PPM1H: variants seen among roughly 807,000 people sequenced by gnomAD.
PPM1H encodes the protein protein phosphatase, Mg2+/Mn2+ dependent 1H.
In PPM1H, 27 loss-of-function variants were observed where a neutral mutation model predicts 54.9. The observed-to-expected ratio is 0.49, with a 90% CI of 0.36 to 0.68. The LOEUF is 0.68. PPM1H is among the 30% of genes least tolerant of loss of function. The pLI, the probability that PPM1H is intolerant of heterozygous loss-of-function variation, is 0.00. For synonymous variants in PPM1H, 305 were observed against 270.8 expected (o/e 1.13, Z -1.24); for missense variants, 596 against 667.8 (o/e 0.89, Z 1.19).
At chr12:62,662,595 T>C (rs2075890958) in intron 9 of PPM1H, among the ~76,000 whole-genome samples, 1 of 152,220 alleles carries the variant, frequency 6.6e-6, no homozygotes, top group African/African-American at 2.4e-5. Flanking sequence ...ATTTTACATA[T>C]GAACAATCAG....
chr12:62,841,354 A>G (rs1386229877), intron 1 of PPM1H, among the ~76,000 whole-genome samples: 4 of 152,082 alleles, frequency 2.6e-5, no homozygotes, highest in Admixed American at 2.0e-4. Context: ...AGCTGGGGGG[A>G]AAAAAGAATA....
Position 62,934,738 on chromosome 12 carries a change from T to C in PPM1H, c.-2A>G. 3.9e-6 allele frequency: 6 copies of C among 1,543,654 alleles called. No individual in the cohort carries two copies. Among genetic ancestry groups the C allele is most frequent in the Non-Finnish European group, 5.3e-6 (6 of 1,140,414 alleles). On this transcript the variant is annotated 5_prime_UTR_variant, in exon 1 of 10. The change abolishes the stop of an existing upstream ORF in the 5' untranslated region. Transcript: ENST00000228705. This position sits in a 1 kb window ranked among gnomAD's most constrained non-coding sequence, Gnocchi z 4.2. ...GGCAGATTTCACTCGAGTGAGCATA[T>C]TACTCCGGCGCCCGGCTGCAGCGGT...
intron 1 of PPM1H, among the ~76,000 whole-genome samples, chr12:62,838,213 G>A (rs369923212): frequency 1.2e-4 from 18 of 152,094 alleles, no homozygotes; most frequent in African/African-American, 4.1e-4. Flanking sequence ...TACACTAAGT[G>A]TTCATACTGG....
chr12:62,849,054 G>T (rs924513527), intron 1 of PPM1H, among the ~76,000 whole-genome samples: 2 of 152,128 alleles, frequency 1.3e-5, no homozygotes, highest in East Asian at 3.9e-4. Flanking sequence ...GTTAGGAAAT[G>T]GTTGGGAATA....
At chr12:62,699,235 C>T (rs1023230483) in intron 6 of PPM1H, among the ~76,000 whole-genome samples, 6 of 152,094 alleles carry the variant, frequency 3.9e-5, no homozygotes, top group Admixed American at 6.6e-5. Flanking sequence ...TCACTCTTGT[C>T]GCCCAAGCTT....
At chr12:62,780,314 T>G (rs1469789164) in intron 4 of PPM1H, among the ~76,000 whole-genome samples, 1 of 152,188 alleles carries the variant, frequency 6.6e-6, no homozygotes, top group Admixed American at 6.5e-5. Flanking sequence ...TTCTTTCTTT[T>G]TTTTGGTGAC....
At chr12:62,826,236 G>T (rs1285180736) in intron 2 of PPM1H, among the ~76,000 whole-genome samples, 1 of 152,156 alleles carries the variant, frequency 6.6e-6, no homozygotes, top group African/African-American at 2.4e-5. Context: ...GATCCCCTGA[G>T]GTCAGAAGTT....
chr12:62,746,424 C>T (rs2076411406), intron 4 of PPM1H, among the ~76,000 whole-genome samples: 1 of 152,156 alleles, frequency 6.6e-6, no homozygotes, highest in Admixed American at 6.5e-5. Flanking sequence ...CCAAACCAAA[C>T]CAAACCAAAC....
In PPM1H at chr12:62,932,628, CTTTTTTTTT is replaced by C. The variant is rs61003358; in HGVS notation, c.245+1855_245+1863del. ...CTGTCTCGTAAAGGGTCCAAATGGGCTTTTTTTTTTTTTTTTTTTTTTTGAGAAGGAGTT... is the reference window on the plus strand; with the variant it reads ...CTGTCTCGTAAAGGGTCCAAATGGGCTTTTTTTTTTTTTTGAGAAGGAGTT... On this transcript the variant is annotated intron_variant, in intron 1 of 9. Coordinates refer to ENST00000228705, the MANE Select transcript of PPM1H (RefSeq NM_020700.2). Among the ~76,000 whole-genome samples, 11 of 54,008 alleles carry C rather than the reference CTTTTTTTTT, an allele frequency of 2.0e-4. 1 individual carries two copies. Among genetic ancestry groups the C allele is most frequent in the Middle Eastern group, 0.071 (2 of 28 alleles). The allele number at this position is 54,008 out of a possible 152,430, so 35.4% of individuals were successfully genotyped here. A position where few individuals can be genotyped will look rare whatever the true frequency, so the allele number is the denominator to read the frequency against.
At chr12:62,738,664 G>A (rs2076363852) in intron 4 of PPM1H, among the ~76,000 whole-genome samples, 1 of 152,102 alleles carries the variant, frequency 6.6e-6, no homozygotes, top group South Asian at 2.1e-4. Flanking sequence ...GTGGCTTGGG[G>A]AATTGCATTC....
intron 6 of PPM1H, among the ~76,000 whole-genome samples, chr12:62,719,274 G>A (rs887199295): frequency 1.3e-5 from 2 of 152,154 alleles, no homozygotes; most frequent in Non-Finnish European, 2.9e-5. Flanking sequence ...TGCTATTTTG[G>A]TCAATGGGGA....
At position 62,935,045 on chromosome 12, in the gene PPM1H, T is replaced by G; in HGVS notation, c.-309A>C. On this transcript the variant is annotated 5_prime_UTR_variant, in exon 1 of 10. Coordinates refer to ENST00000228705, the MANE Select transcript of PPM1H (RefSeq NM_020700.2). ...GGCGGCTGCAGCTGCAGCAGGTCCC[T>G]TCCCCGCCCCCTGCGCTCGGCTCCG... The G allele has an allele frequency of 9.0e-5, 16 of 178,386 alleles. No individual in the cohort carries two copies. Among genetic ancestry groups the G allele is most frequent in the Non-Finnish European group, 1.6e-4 (14 of 85,460 alleles). 11.1% of individuals were successfully genotyped at this position (178,386 alleles called of 1,614,324 possible).
At chr12:62,792,961 T>C (rs2076708941) in intron 3 of PPM1H, among the ~76,000 whole-genome samples, 1 of 152,230 alleles carries the variant, frequency 6.6e-6, no homozygotes, top group Non-Finnish European at 1.5e-5. Flanking sequence ...GTTTTTAATA[T>C]TCTACATAAT....
chr12:62,779,723 A>G (rs1391144385), intron 4 of PPM1H, among the ~76,000 whole-genome samples: 1 of 152,230 alleles, frequency 6.6e-6, no homozygotes, highest in Non-Finnish European at 1.5e-5. Flanking sequence ...CTGAGTCCAG[A>G]GTCCCTGCTC....
At chr12:62,722,604 C>A (rs1212558049) in intron 5 of PPM1H, among the ~76,000 whole-genome samples, 1 of 152,162 alleles carries the variant, frequency 6.6e-6, no homozygotes, top group Non-Finnish European at 1.5e-5. Context: ...CAAGCAAAGT[C>A]TGAATCAGTA....
chr12:62,894,369 A>C (rs1870906849), intron 1 of PPM1H, among the ~76,000 whole-genome samples: 1 of 152,158 alleles, frequency 6.6e-6, no homozygotes, highest in Non-Finnish European at 1.5e-5. Context: ...CCAAGACCCA[A>C]AAAGGTATTT....
chr12:62,807,082 G>A (rs956223801), intron 2 of PPM1H, among the ~76,000 whole-genome samples: 2 of 152,168 alleles, frequency 1.3e-5, no homozygotes, highest in Non-Finnish European at 2.9e-5. Context: ...GCGGTAGAAT[G>A]GGGGCATGAT....
intron 1 of PPM1H, among the ~76,000 whole-genome samples, chr12:62,849,922 T>A (rs958321178): frequency 1.3e-5 from 2 of 152,208 alleles, no homozygotes; most frequent in Non-Finnish European, 2.9e-5. Context: ...TTCTAGAAAT[T>A]ATAAATAGCA....
At chr12:62,771,836 A>C (rs1311502545) in intron 4 of PPM1H, among the ~76,000 whole-genome samples, 3 of 152,214 alleles carry the variant, frequency 2.0e-5, no homozygotes, top group Admixed American at 1.3e-4. Flanking sequence ...TTACAATGTG[A>C]GTTCCATAAT....
Sources: gnomAD v4.1 joint callset for allele counts (sites outside exome capture counted in the v4.1 genomes callset) on GRCh38, gnomAD v4.1.1 for gene constraint, Gnocchi (gnomAD v3.1) non-coding constraint, MANE v1.5 for transcripts, NCBI Gene and HGNC (gene_info 2026-07-23, HGNC 2026-07-21) for gene names.